Variants in MAP2K2 observed in about 807,000 individuals in gnomAD.
MAP2K2 encodes the protein mitogen-activated protein kinase kinase 2.
MAP2K2 carries 24 observed loss-of-function variants against 43.7 expected under a neutral mutation model. The observed-to-expected ratio is 0.55, with a 90% CI of 0.40 to 0.77. MAP2K2 has a LOEUF of 0.77. Ranked by LOEUF, MAP2K2 falls within the 30% of genes least tolerant of loss-of-function variation. The pLI is 0.00. For synonymous variants in MAP2K2, 244 were observed against 239.7 expected (o/e 1.02, Z -0.17); for missense variants, 470 against 566.8 (o/e 0.83, Z 1.73).
At chr19:4,097,862 G>A (rs2040942982) in intron 7 of MAP2K2, among the ~76,000 whole-genome samples, 1 of 130,576 alleles carries the variant, frequency 7.7e-6, no homozygotes, top group Non-Finnish European at 1.7e-5. Context: ...TCCTGAAATG[G>A]GCAGGTGGGC....
At chr19:4,094,043 T>G (rs897844685) in intron 10 of MAP2K2, among the ~76,000 whole-genome samples, 1 of 152,060 alleles carries the variant, frequency 6.6e-6, no homozygotes, top group Non-Finnish European at 1.5e-5. Flanking sequence ...ACGCACGGCC[T>G]CGGGGGACCT....
chr19:4,102,821 T>C (rs1258309657), intron 3 of MAP2K2: 7 of 1,216,700 alleles, frequency 5.8e-6, no homozygotes, highest in Middle Eastern at 3.6e-4. Flanking sequence ...GCCTACGTGG[T>C]GGGCTTGTCT....
chr19:4,102,957 G>A (rs1043808008), intron 3 of MAP2K2: 5 of 1,103,488 alleles, frequency 4.5e-6, no homozygotes, highest in African/African-American at 3.3e-5. Flanking sequence ...CGTGGGAGGA[G>A]GCGGCGGGTC....
At chr19:4,096,971 C>T (rs532600038) in intron 8 of MAP2K2, among the ~76,000 whole-genome samples, 48 of 149,108 alleles carry the variant, frequency 3.2e-4, no homozygotes, top group African/African-American at 1.1e-3. Context: ...ACCTGGGAGG[C>T]GGAGGTTGCA....
intron 1 of MAP2K2, among the ~76,000 whole-genome samples, chr19:4,119,873 T>G (rs544077672): frequency 1.1e-4 from 17 of 152,236 alleles, no homozygotes; most frequent in Non-Finnish European, 2.2e-4. Context: ...CATCTGGAAA[T>G]TTCCAATCCC....
chr19:4,096,187 C>G (rs910691170), intron 8 of MAP2K2, among the ~76,000 whole-genome samples: 1 of 152,208 alleles, frequency 6.6e-6, no homozygotes, highest in African/African-American at 2.4e-5. Flanking sequence ...AGGCCTTTCC[C>G]GCGCAGGGGC....
chr19:4,123,053 C>A (rs960478548), intron 1 of MAP2K2, among the ~76,000 whole-genome samples: 2 of 151,444 alleles, frequency 1.3e-5, no homozygotes, highest in African/African-American at 4.9e-5. Flanking sequence ...CCCGATTTCC[C>A]TACTCAGGGT....
rs1064797064 is a variant in MAP2K2 at position 4,097,311 on chromosome 19, T to C, written c.952A>G (p.Ile318Val). ...ACAATATAGTCCAGGAGTTCAAAGA[T>C]GGCCATGGCAGGCCGGCTATCCATC... ...HGMDSRPAMAIFELLDYIVNE... is the reference protein window; with the variant it reads ...HGMDSRPAMAVFELLDYIVNE... Residue 318 changes from isoleucine (I) to valine (V), a missense_variant, in exon 8 of 11, where the codon ATC becomes GTC. Ile to Val is a conservative substitution (Grantham distance 29). This residue lies in a region of MAP2K2 where 212 missense variants were observed against 220.8 expected (regional missense o/e 0.96). Coordinates refer to ENST00000262948, the MANE Select transcript of MAP2K2 (RefSeq NM_030662.4). 28 of 1,612,082 alleles carry C rather than the reference T, an allele frequency of 1.7e-5. No homozygotes were observed. The highest frequency in any genetic ancestry group is 2.4e-5 in the Non-Finnish European group (28 of 1,179,792).
At position 4,097,524 on chromosome 19, in the gene MAP2K2, T is replaced by C. The variant is rs568294442; in HGVS notation, c.920-181A>G. 1.4e-4 allele frequency among the ~76,000 whole-genome samples: 22 copies of C among 152,232 alleles called. No individual in the cohort carries two copies. The South Asian group carries it at 4.6e-3, about 32-fold the overall frequency. On this transcript the variant is annotated intron_variant, in intron 7 of 10. Coordinates refer to ENST00000262948, the MANE Select transcript of MAP2K2 (RefSeq NM_030662.4). ...CTGCCTGACTCTGGGTTCCATTCCC[T>C]GGGACAGCTACTCCTTGCCTGAGCC...
Position 4,123,967 on chromosome 19 carries a change from TGCGGCCGCGGCCCAGGCCGGCGTCGGG to T in MAP2K2, c.-119_-93del. 1.8e-6 allele frequency: 1 copy of T among 564,722 alleles called. No individual in the cohort carries two copies. The highest frequency in any genetic ancestry group is 2.3e-6 in the Non-Finnish European group (1 of 436,590). The allele number at this position is 564,722 out of a possible 1,614,324, so 35.0% of individuals were successfully genotyped here. On this transcript the variant is annotated 5_prime_UTR_variant, in exon 1 of 11. Coordinates refer to ENST00000262948, the MANE Select transcript of MAP2K2 (RefSeq NM_030662.4). ...GTCGGCGCCTACGCGAGCCCGGGGCTGCGGCCGCGGCCCAGGCCGGCGTCGGGGCGGCCGAGGGCGGGCGGCGCTGCG... is the reference window on the plus strand; with the variant it reads ...GTCGGCGCCTACGCGAGCCCGGGGCTGCGGCCGAGGGCGGGCGGCGCTGCG...
At position 4,123,852 on chromosome 19, in the gene MAP2K2, C is replaced by T; in HGVS notation, c.24G>A (p.Val8=). The change falls in exon 1 of 11, where the codon GTG becomes GTA. Residue 8 remains valine, a synonymous_variant. Coordinates refer to ENST00000262948, the MANE Select transcript of MAP2K2 (RefSeq NM_030662.4). MLARRKP[V]LPALTINPTI... is the part of the protein sequence containing the mutation. ...TAGGGTTGATGGTGAGCGCCGGCAG[C>T]ACCGGCTTCCTCCGGGCCAGCATCG... 2 of 1,520,574 alleles carry T rather than the reference C, an allele frequency of 1.3e-6. No individual in the cohort carries two copies. Among genetic ancestry groups the T allele is most frequent in the South Asian group, 1.2e-5 (1 of 81,182 alleles). 94.2% of individuals were successfully genotyped at this position (1,520,574 alleles called of 1,614,324 possible). A position where few individuals can be genotyped will look rare whatever the true frequency, so the allele number is the denominator to read the frequency against.
rs569114639 is a variant in MAP2K2 at position 4,097,688 on chromosome 19, G to A, written c.920-345C>T. ...GGCAGGGGGAGGGACGGTGCTGACC[G>A]CAGGCAAGGACAGCCGCGTGACCTT... On this transcript the variant is annotated intron_variant, in intron 7 of 10. Coordinates refer to ENST00000262948, the MANE Select transcript of MAP2K2 (RefSeq NM_030662.4). 1.4e-4 allele frequency among the ~76,000 whole-genome samples: 22 copies of A among 152,302 alleles called. No individual in the cohort carries two copies. The East Asian group carries it at 3.9e-3, about 27-fold the overall frequency.
At chr19:4,121,531 A>AC (rs1170920840) in intron 1 of MAP2K2, among the ~76,000 whole-genome samples, 4 of 111,754 alleles carry the variant, frequency 3.6e-5, no homozygotes, top group African/African-American at 1.4e-4. Context: ...CCAACATGAG[A>AC]CCCCTAGGAC....
At chr19:4,095,237 A>G in intron 9 of MAP2K2, 151 bp downstream of exon 9, 1 of 670,806 alleles carries the variant, frequency 1.5e-6, no homozygotes, top group Admixed American at 2.5e-5. Flanking sequence ...GCTCTGGGAA[A>G]AGGAATCTGG....
At position 4,090,659 on chromosome 19, in the gene MAP2K2, C is replaced by G. The variant is rs866824742; in HGVS notation, c.1142G>C (p.Gly381Ala). ...RSEVEEVDFA[G>A]WLCKTLRLNQ... ...CAGCCGCAGGGTTTTACACAACCAG[C>G]CGGCAAAATCCACTTCTTCCACCTC... is the stretch of plus-strand genomic sequence containing the variant. The change falls in exon 11 of 11, where the codon GGC becomes GCC. Residue 381 changes from glycine (G) to alanine (A), a missense_variant. By Grantham distance (60) the Gly-to-Ala change is moderately conservative (BLOSUM62 0). Transcript: ENST00000262948. 1 of 1,558,950 alleles carries G rather than the reference C, an allele frequency of 6.4e-7. No individual in the cohort carries two copies. The highest frequency in any genetic ancestry group is 8.7e-7 in the Non-Finnish European group (1 of 1,151,306).
intron 6 of MAP2K2, 164 bp downstream of exon 6, chr19:4,100,855 G>A (rs372374444): frequency 2.9e-5 from 23 of 792,532 alleles, no homozygotes; most frequent in East Asian, 2.2e-4. Flanking sequence ...GGAAAGCCTC[G>A]TGGGAGGCGG....
intron 2 of MAP2K2, among the ~76,000 whole-genome samples, chr19:4,114,888 C>T (rs2041201517): frequency 6.6e-6 from 1 of 151,582 alleles, no homozygotes; most frequent in Non-Finnish European, 1.5e-5. Context: ...CGAGATTGTG[C>T]CACTGCACTC....
chr19:4,102,734 AC>A, intron 3 of MAP2K2: 1 of 1,299,698 alleles, frequency 7.7e-7, no homozygotes, highest in Non-Finnish European at 1.0e-6. Context: ...TGAGGTCGCC[AC>A]GGCAGAGGCT....
At position 4,117,443 on chromosome 19, in the gene MAP2K2, G is replaced by A. The variant is rs1060504778; in HGVS notation, c.279C>T (p.Pro93=). The change falls in exon 2 of 11, where the codon CCC becomes CCT. Residue 93 remains proline (P), a synonymous_variant. Transcript: ENST00000262948. ...CCTTCCTGGCCATGATGAGGCCCGAGGGTCTGTGCTGGACTTTGGTGACCA... is the reference window on the plus strand; with the variant it reads ...CCTTCCTGGCCATGATGAGGCCCGAAGGTCTGTGCTGGACTTTGGTGACCA... ...GGVVTKVQHR[P]SGLIMARKLI... 1 of 1,613,770 alleles carries A rather than the reference G, an allele frequency of 6.2e-7. No individual in the cohort carries two copies. The highest frequency in any genetic ancestry group is 1.1e-5 in the South Asian group (1 of 91,070).
Sources: gnomAD v4.1 joint callset for allele counts (sites outside exome capture counted in the v4.1 genomes callset) on GRCh38, gnomAD v4.1.1 for gene constraint, gnomAD v4.1.1 regional missense constraint, MANE v1.5 for transcripts, NCBI Gene and HGNC (gene_info 2026-07-23, HGNC 2026-07-21) for gene names.